PSMD11: variants seen among roughly 807,000 people sequenced by gnomAD.
PSMD11 encodes the protein proteasome 26S subunit, non-ATPase 11, also known as 26S proteasome non-ATPase regulatory subunit 11.
PSMD11 carries 5 observed loss-of-function variants against 62.3 expected under a neutral mutation model. The observed-to-expected ratio is 0.08, with a 90% CI of 0.04 to 0.17. The LOEUF is 0.17. PSMD11 is among the 10% of genes least tolerant of loss of function. The pLI is 1.00. For missense variants in PSMD11, 310 were observed against 512.9 expected, an observed-to-expected ratio of 0.60 and a Z score of 3.82; for synonymous variants, 191 against 191.8, an observed-to-expected ratio of 1.00 and a Z score of 0.03.
At position 32,479,071 on chromosome 17, in the gene PSMD11, A is replaced by G. The variant is rs532689160; in HGVS notation, c.913-180A>G. The stretch of plus-strand genomic sequence containing the variant: ...ACTCCAGGTGCGTGCCACCAAGCCA[A>G]ACTTCCCTTTCAGTTCTTGACATTC... On this transcript the variant is annotated intron_variant, in intron 9 of 13. Coordinates refer to ENST00000261712, the MANE Select transcript of PSMD11 (RefSeq NM_002815.4). Among the ~76,000 whole-genome samples, 5 of 152,204 alleles carry G rather than the reference A, an allele frequency of 3.3e-5. No individual in the cohort carries two copies. The East Asian group carries it at 7.7e-4, about 24-fold the overall frequency.
chr17:32,470,416 G>A (rs1001730075), intron 6 of PSMD11, among the ~76,000 whole-genome samples: 8 of 152,016 alleles, frequency 5.3e-5, no homozygotes, highest in African/African-American at 1.9e-4. Flanking sequence ...GGGTTCAAGC[G>A]ATTCTCCTGT....
Position 32,479,318 on chromosome 17 carries a change from A to G in PSMD11, c.980A>G (p.Tyr327Cys), listed in dbSNP as rs1230246016. ...PIISTHLAKL[Y>C]DNLLEQNLIR... ...ATCAGCACACACTTGGCCAAGTTGT[A>G]TGATAACTTACTAGAACAGAATCTG... Residue 327 changes from tyrosine (Y) to cysteine (C), a missense_variant, in exon 10 of 14, where the codon TAT (tyrosine) becomes TGT (cysteine). Physicochemically the swap from Tyr to Cys is radical, Grantham distance 194. This residue lies in a region of PSMD11 where 135 missense variants were observed against 195.4 expected (regional missense o/e 0.69). Transcript: ENST00000261712. 3 of 1,614,098 alleles carry G rather than the reference A, an allele frequency of 1.9e-6. No homozygotes were observed. The highest frequency in any genetic ancestry group is 2.5e-6 in the Non-Finnish European group (3 of 1,180,040).
At position 32,460,261 on chromosome 17, in the gene PSMD11, A is replaced by G. The variant is rs367944860; in HGVS notation, c.319-3788A>G. Among the ~76,000 whole-genome samples, 18 of 151,842 alleles carry G rather than the reference A, an allele frequency of 1.2e-4. No homozygotes were observed. The South Asian group carries it at 3.3e-3, about 28-fold the overall frequency. ...TTTTTTGTAGAGATAGGGTCTTGCT[A>G]TGTTGCCCAGGCTGGTCTCAAACTC... On this transcript the variant is annotated intron_variant, in intron 3 of 13. Coordinates refer to ENST00000261712, the MANE Select transcript of PSMD11 (RefSeq NM_002815.4).
At chr17:32,461,978 AC>A (rs1418826880) in intron 3 of PSMD11, among the ~76,000 whole-genome samples, 3 of 152,148 alleles carry the variant, frequency 2.0e-5, no homozygotes, top group Non-Finnish European at 4.4e-5. Context: ...CTCTGATGTT[AC>A]CCGTCAGTTC....
chr17:32,467,492 C>T (rs1198354288), intron 5 of PSMD11, among the ~76,000 whole-genome samples: 1 of 152,142 alleles, frequency 6.6e-6, no homozygotes, highest in Non-Finnish European at 1.5e-5. Flanking sequence ...GTGATGTGCC[C>T]GCCTTGGCCT....
In PSMD11 at chr17:32,464,081, C is replaced by T; in HGVS notation, c.351C>T (p.Ala117=). The change falls in exon 4 of 14, where the codon GCC becomes GCT. Residue 117 remains alanine, a synonymous_variant. Transcript: ENST00000261712. Reference sequence around the variant, plus strand: ...TGTGTTTAGAGTGCATCGAATGGGCCAAGTCAGAGAAAAGAACTTTCTTAC... The same window carrying T: ...TGTGTTTAGAGTGCATCGAATGGGCTAAGTCAGAGAAAAGAACTTTCTTAC... The part of the protein sequence containing the change: ...VELCLECIEW[A]KSEKRTFLRQ... 1 of 1,614,014 alleles carries T rather than the reference C, an allele frequency of 6.2e-7. No individual in the cohort carries two copies. Among genetic ancestry groups the T allele is most frequent in the Non-Finnish European group, 8.5e-7 (1 of 1,179,986 alleles).
intron 2 of PSMD11, 71 bp from the exon 3 acceptor site, chr17:32,454,424 C>G (rs1445934413): frequency 1.7e-5 from 26 of 1,519,442 alleles, no homozygotes; most frequent in Non-Finnish European, 2.3e-5. Flanking sequence ...GACGTTGGGT[C>G]AGTTTCTTAA....
At chr17:32,451,425 T>C (rs1907495987) in intron 2 of PSMD11, among the ~76,000 whole-genome samples, 1 of 152,194 alleles carries the variant, frequency 6.6e-6, no homozygotes, top group Non-Finnish European at 1.5e-5. Context: ...CAGTTTCTTT[T>C]ATTATCAAAA....
chr17:32,474,615 G>A (rs910335473), intron 7 of PSMD11, 149 bp from the exon 8 acceptor site: 3 of 714,652 alleles, frequency 4.2e-6, no homozygotes, highest in East Asian at 2.7e-5. Flanking sequence ...TTTGCAATGT[G>A]ATGGGCATAT....
At chr17:32,475,972 G>A (rs918197680) in intron 8 of PSMD11, among the ~76,000 whole-genome samples, 1 of 151,966 alleles carries the variant, frequency 6.6e-6, no homozygotes, top group African/African-American at 2.4e-5. Flanking sequence ...CTGATAAAAA[G>A]CCAATTAGGG....
At chr17:32,465,699 C>T (rs747264919) in intron 5 of PSMD11, among the ~76,000 whole-genome samples, 31 of 152,066 alleles carry the variant, frequency 2.0e-4, no homozygotes, top group Non-Finnish European at 3.4e-4. Flanking sequence ...TTCAGCTGGG[C>T]GTGGTGGCTC....
At chr17:32,464,782 A>T (rs1051401749) in intron 5 of PSMD11, among the ~76,000 whole-genome samples, 3 of 152,248 alleles carry the variant, frequency 2.0e-5, no homozygotes, top group African/African-American at 7.2e-5. Context: ...TGTCAAATTT[A>T]GAGGACAAAT....
Position 32,473,815 on chromosome 17 carries a change from G to A in PSMD11, c.658G>A (p.Ala220Thr). 1 of 1,613,650 alleles carries A rather than the reference G, an allele frequency of 6.2e-7. No individual in the cohort carries two copies. The highest frequency in any genetic ancestry group is 8.5e-7 in the Non-Finnish European group (1 of 1,179,584). ...TCAATGCCCAGGTATTATCCATGCA[G>A]CAGAAGAGAAGGACTGGAAAACTGC... Reference protein sequence around the residue: ...LDMQSGIIHAAEEKDWKTAYS... With the variant: ...LDMQSGIIHATEEKDWKTAYS... Residue 220 changes from alanine (A) to threonine (T), a missense_variant, in exon 7 of 14, where the codon GCA becomes ACA. By Grantham distance (58) the Ala-to-Thr change is moderately conservative. This residue lies in a region of PSMD11 where 47 missense variants were observed against 117.7 expected (regional missense o/e 0.40). Transcript: ENST00000261712.
At chr17:32,456,851 G>A (rs1162183657) in intron 3 of PSMD11, among the ~76,000 whole-genome samples, 1 of 151,946 alleles carries the variant, frequency 6.6e-6, no homozygotes, top group Non-Finnish European at 1.5e-5. Context: ...ATTTTTAGTA[G>A]AGACGGGGTT....
At chr17:32,473,634 C>T (rs149921955) in intron 6 of PSMD11, among the ~76,000 whole-genome samples, 167 bp from the exon 7 acceptor site, 251 of 151,018 alleles carry the variant, frequency 1.7e-3, no homozygotes, top group Middle Eastern at 3.4e-3. Flanking sequence ...AGGCTTGTCT[C>T]GAACTCCTGG....
intron 2 of PSMD11, among the ~76,000 whole-genome samples, chr17:32,451,159 G>A (rs1907486460): frequency 6.6e-6 from 1 of 151,838 alleles, no homozygotes; most frequent in South Asian, 2.1e-4. Flanking sequence ...GACATGTAGG[G>A]GGACAACTAA....
intron 1 of PSMD11, chr17:32,446,150 G>C (rs1182445003): frequency 1.3e-5 from 2 of 152,176 alleles, no homozygotes; most frequent in South Asian, 4.1e-4. Context: ...CTTGAGTCAT[G>C]GTGGTTGACG....
At chr17:32,456,315 A>G (rs1467031618) in intron 3 of PSMD11, among the ~76,000 whole-genome samples, 3 of 152,122 alleles carry the variant, frequency 2.0e-5, no homozygotes, top group African/African-American at 7.2e-5. Flanking sequence ...TTGCACACTG[A>G]AGTTTCTGAA....
chr17:32,471,143 A>G (rs1908151146), intron 6 of PSMD11, among the ~76,000 whole-genome samples: 1 of 152,216 alleles, frequency 6.6e-6, no homozygotes. Context: ...AACTTCTTAA[A>G]GGGCTGGGGC....
Sources: allele counts gnomAD v4.1 joint callset (sites outside exome capture counted in the v4.1 genomes callset), GRCh38; gene constraint gnomAD v4.1.1; regional missense constraint gnomAD v4.1.1; transcripts MANE v1.5; gene names NCBI Gene and HGNC (gene_info 2026-07-23, HGNC 2026-07-21).